Variants in ACER3 observed in about 807,000 individuals in gnomAD.
The protein encoded by ACER3 is alkCDase 3.
In ACER3, 16 loss-of-function variants were observed where a neutral mutation model predicts 48.9. The ratio of observed to expected loss-of-function variants is 0.33; its 90% CI spans 0.22 to 0.50. The LOEUF (loss-of-function observed/expected upper bound fraction) is 0.50, where lower values mean the gene tolerates loss of function less well. ACER3 is among the 20% of genes least tolerant of loss of function. The pLI is 0.98. For synonymous variants in ACER3, 109 were observed against 107.8 expected, an observed-to-expected ratio of 1.01 and a Z score of -0.07; for missense variants, 227 against 326.0, an observed-to-expected ratio of 0.70 and a Z score of 2.34.
chr11:76,988,534 C>G lies in ACER3; in HGVS notation c.403-2005C>G, dbSNP rs1377252759. ...AGGGGGAAGAAGCTCCTTATAAAACCATCAGATCTCATGAGAACTCACTCA... is the reference window on the plus strand; with the variant it reads ...AGGGGGAAGAAGCTCCTTATAAAACGATCAGATCTCATGAGAACTCACTCA... On this transcript the variant is annotated intron_variant, in intron 5 of 10. Coordinates refer to ENST00000532485, the MANE Select transcript of ACER3 (RefSeq NM_018367.7). Among the ~76,000 whole-genome samples the G allele has an allele frequency of 7.9e-5, 12 of 152,082 alleles. No homozygotes were observed. The East Asian group carries it at 2.3e-3, about 29-fold the overall frequency.
chr11:76,881,754 C>T (rs1435489296), intron 1 of ACER3, among the ~76,000 whole-genome samples: 1 of 152,096 alleles, frequency 6.6e-6, no homozygotes, highest in African/African-American at 2.4e-5. Context: ...TGTAGCTTAC[C>T]ATTTCTGATG....
chr11:76,976,162 C>T (rs747746770), intron 3 of ACER3, 127 bp from the exon 4 acceptor site: 113 of 711,110 alleles, frequency 1.6e-4, no homozygotes, highest in Non-Finnish European at 6.2e-5. Flanking sequence ...GCTGGGATTA[C>T]AGGTGTGAGC....
chr11:76,897,249 A>G (rs1357686563), intron 1 of ACER3, among the ~76,000 whole-genome samples: 1 of 152,066 alleles, frequency 6.6e-6, no homozygotes, highest in Admixed American at 6.5e-5. Flanking sequence ...GAGCCACCAC[A>G]CCTGGCCAGG....
intron 1 of ACER3, among the ~76,000 whole-genome samples, chr11:76,867,461 T>C (rs1274638473): frequency 2.2e-5 from 2 of 89,854 alleles, no homozygotes; most frequent in Admixed American, 1.8e-4. Context: ...AGAGTGAGAC[T>C]CTGTCTCAAA....
At chr11:76,923,388 A>G (rs1180194686) in intron 1 of ACER3, among the ~76,000 whole-genome samples, 1 of 152,142 alleles carries the variant, frequency 6.6e-6, no homozygotes, top group Non-Finnish European at 1.5e-5. Flanking sequence ...CTGTCACTGT[A>G]GATTAGTTTG....
intron 4 of ACER3, among the ~76,000 whole-genome samples, chr11:76,980,387 G>A (rs1948557870): frequency 1.3e-5 from 2 of 151,990 alleles, no homozygotes; most frequent in South Asian, 4.1e-4. Flanking sequence ...TTAAGTATTA[G>A]TGCTAGGAGC....
intron 7 of ACER3, among the ~76,000 whole-genome samples, chr11:77,005,993 T>TATA (rs1565224912): frequency 6.8e-5 from 6 of 87,934 alleles, no homozygotes; most frequent in African/African-American, 3.2e-4. Flanking sequence ...ATATATATAT[T>TATA]TTTTTTTTTT....
chr11:76,959,053 A>G, intron 3 of ACER3, 22 bp downstream of exon 3: 1 of 1,613,782 alleles, frequency 6.2e-7, no homozygotes, highest in South Asian at 1.1e-5. Context: ...TGAAATTGAC[A>G]AATGCTTATT....
chr11:76,996,481 C>T (rs1565219737), intron 6 of ACER3, among the ~76,000 whole-genome samples: 1 of 151,982 alleles, frequency 6.6e-6, no homozygotes, highest in South Asian at 2.1e-4. Flanking sequence ...TGCAATAGCA[C>T]GATCTTGGCT....
At chr11:76,948,511 A>G (rs546309067) in intron 2 of ACER3, among the ~76,000 whole-genome samples, 10 of 152,232 alleles carry the variant, frequency 6.6e-5, no homozygotes, top group African/African-American at 2.4e-4. Context: ...TGTGAATGCT[A>G]TCTTCACTTG....
intron 1 of ACER3, among the ~76,000 whole-genome samples, chr11:76,869,681 CT>C (rs58985556): frequency 1 from 152,187 of 152,188 alleles, 76,093 homozygotes; most frequent in Non-Finnish European, 1. Context: ...ACCTTTTCTA[CT>C]TTTCTGTCTC....
chr11:76,941,237 A>G (rs1384225581), intron 2 of ACER3, among the ~76,000 whole-genome samples: 1 of 152,180 alleles, frequency 6.6e-6, no homozygotes, highest in Non-Finnish European at 1.5e-5. Context: ...TGGTGTTGAA[A>G]GAGATTTTGT....
At chr11:76,961,867 T>A (rs968711652) in intron 3 of ACER3, among the ~76,000 whole-genome samples, 1 of 149,370 alleles carries the variant, frequency 6.7e-6, no homozygotes, top group Non-Finnish European at 1.5e-5. Flanking sequence ...TTACATAGTT[T>A]CAAAGTACCT....
intron 3 of ACER3, among the ~76,000 whole-genome samples, chr11:76,963,218 G>C (rs1365545363): frequency 6.6e-6 from 1 of 151,284 alleles, no homozygotes; most frequent in Non-Finnish European, 1.5e-5. Flanking sequence ...GGGAGGAGGG[G>C]GGCTTACTTT....
intron 1 of ACER3, among the ~76,000 whole-genome samples, chr11:76,871,806 T>C (rs2134527012): frequency 6.6e-6 from 1 of 152,338 alleles, no homozygotes; most frequent in East Asian, 1.9e-4. Context: ...CAGGGCCATT[T>C]CAAATTATGT....
rs535063961 is a variant in ACER3 at position 76,971,495 on chromosome 11, G to A, written c.268-4794G>A. 4.0e-3 allele frequency among the ~76,000 whole-genome samples: 609 copies of A among 151,662 alleles called. 6 individuals carry two copies. Among genetic ancestry groups the A allele is most frequent in the Non-Finnish European group, 6.7e-3 (455 of 67,928 alleles). On this transcript the variant is annotated intron_variant, in intron 3 of 10. Transcript: ENST00000532485. Reference sequence around the variant, plus strand: ...GCAGAGGTTGCAGTGAGCCAAGATCGCGCCACTGCACTCCTCCTGGTGACA... The same window carrying A: ...GCAGAGGTTGCAGTGAGCCAAGATCACGCCACTGCACTCCTCCTGGTGACA...
chr11:76,877,519 T>A (rs1590869868), intron 1 of ACER3, among the ~76,000 whole-genome samples: 1 of 151,894 alleles, frequency 6.6e-6, no homozygotes, highest in East Asian at 1.9e-4. Flanking sequence ...TTTCCTTTTT[T>A]TCCCCCCCAT....
intron 2 of ACER3, among the ~76,000 whole-genome samples, chr11:76,932,377 C>T (rs914377204): frequency 7.9e-5 from 12 of 152,144 alleles, no homozygotes; most frequent in African/African-American, 2.9e-4. Context: ...ATGTCAGATT[C>T]TACCTTAGAT....
chr11:77,016,865 T>C, intron 9 of ACER3, 86 bp downstream of exon 9: 1 of 629,674 alleles, frequency 1.6e-6, no homozygotes, highest in East Asian at 3.1e-5. Context: ...TAAATATTTT[T>C]AAAACACTAG....
Sources: gnomAD v4.1 joint callset for allele counts (sites outside exome capture counted in the v4.1 genomes callset) on GRCh38, gnomAD v4.1.1 for gene constraint, MANE v1.5 for transcripts, NCBI Gene and HGNC (gene_info 2026-07-23, HGNC 2026-07-21) for gene names.